Variants in CTNNA1 observed in about 807,000 individuals in gnomAD.
CTNNA1 encodes catenin alpha 1.
Under a neutral mutation model 98.4 loss-of-function variants are expected in CTNNA1, and 37 were observed. The observed-to-expected ratio is 0.38, with a 90% CI of 0.29 to 0.49. The LOEUF is 0.49. CTNNA1 is among the 20% of genes least tolerant of loss of function. CTNNA1 has a pLI of 0.95. For missense variants in CTNNA1, 761 were observed against 1,147.2 expected, an observed-to-expected ratio of 0.66 and a Z score of 4.86; for synonymous variants, 404 against 413.2, an observed-to-expected ratio of 0.98 and a Z score of 0.27.
At chr5:138,813,156 T>C (rs904875162) in intron 5 of CTNNA1, among the ~76,000 whole-genome samples, 1 of 152,198 alleles carries the variant, frequency 6.6e-6, no homozygotes, top group Non-Finnish European at 1.5e-5. Flanking sequence ...TTGTTAAATA[T>C]AAGGGCTTTG....
intron 3 of CTNNA1, among the ~76,000 whole-genome samples, chr5:138,789,143 G>C (rs1250515584): frequency 6.6e-6 from 1 of 151,854 alleles, no homozygotes; most frequent in African/African-American, 2.4e-5. Context: ...GGTCCCTGAG[G>C]GGGAGATGGT....
At position 138,874,633 on chromosome 5, in the gene CTNNA1, A is replaced by G; in HGVS notation, c.1063-11579A>G. The G allele has an allele frequency of 2.2e-6, 2 of 891,506 alleles. No homozygotes were observed. Among genetic ancestry groups the G allele is most frequent in the Non-Finnish European group, 3.3e-6 (2 of 598,510 alleles). The allele number at this position is 891,506 out of a possible 1,614,324, so 55.2% of individuals were successfully genotyped here. A position where few individuals can be genotyped will look rare whatever the true frequency, so the allele number is the denominator to read the frequency against. On this transcript the variant is annotated intron_variant, in intron 7 of 17. Transcript: ENST00000302763. This position sits in a 1 kb window ranked among gnomAD's most constrained non-coding sequence, Gnocchi z 4.1. ...ACATATGGGCTATTTAAAAAAAACAACCACCACCAACATTATAGCAAAAGA... is the reference window on the plus strand; with the variant it reads ...ACATATGGGCTATTTAAAAAAAACAGCCACCACCAACATTATAGCAAAAGA...
Position 138,781,977 on chromosome 5 carries a change from T to G in CTNNA1, c.53T>G (p.Leu18Arg), listed in dbSNP as rs769832131. The G allele has an allele frequency of 6.2e-7, 1 of 1,603,482 alleles. No homozygotes were observed. The highest frequency in any genetic ancestry group is 1.1e-5 in the South Asian group (1 of 88,274). ...NINFKWDPKS[L>R]EIRTLAVERL... ...AACTTCAAGTGGGATCCTAAAAGTC[T>G]AGAGATCAGGACTCTGGCAGTTGAG... The change falls in exon 2 of 18, where the codon CTA (leucine) becomes CGA (arginine). Residue 18 changes from leucine (L) to arginine (R), a missense_variant. Leu to Arg is a moderately radical substitution (Grantham distance 102). This residue lies in a region of CTNNA1 where 328 missense variants were observed against 354.3 expected (regional missense o/e 0.93). Transcript: ENST00000302763.
chr5:138,902,059 A>G (rs1179427844), intron 9 of CTNNA1, among the ~76,000 whole-genome samples: 1 of 152,204 alleles, frequency 6.6e-6, no homozygotes, highest in African/African-American at 2.4e-5. Flanking sequence ...CTGCTTCAAC[A>G]GTACACCAGA....
At chr5:138,812,117 G>A in intron 4 of CTNNA1, 66 bp from the exon 5 acceptor site, 1 of 1,448,132 alleles carries the variant, frequency 6.9e-7, no homozygotes, top group South Asian at 1.3e-5. Flanking sequence ...AAATTCCTAG[G>A]ATGCCATCTT....
chr5:138,859,029 C>T (rs1248093702), intron 7 of CTNNA1, among the ~76,000 whole-genome samples: 3 of 152,196 alleles, frequency 2.0e-5, no homozygotes, highest in Admixed American at 2.0e-4. Flanking sequence ...GGGCCATCTC[C>T]AGCTTATTTG....
Position 138,873,949 on chromosome 5 carries a change from T to C in CTNNA1, c.1063-12263T>C, listed in dbSNP as rs1245795172. 1.2e-6 allele frequency: 2 copies of C among 1,614,026 alleles called. No homozygotes were observed. The highest frequency in any genetic ancestry group is 2.7e-5 in the African/African-American group (2 of 75,052). On this transcript the variant is annotated intron_variant, in intron 7 of 17. Transcript: ENST00000302763. This position sits in a 1 kb window ranked among gnomAD's most constrained non-coding sequence, Gnocchi z 6.1. ...CTAGGTGAAGCTCTCTCAGTTTAAT[T>C]AATCCTGCAAATCCATTGCGAGCCA...
intron 7 of CTNNA1, among the ~76,000 whole-genome samples, chr5:138,834,859 C>G (rs965100676): frequency 6.6e-6 from 1 of 152,000 alleles, no homozygotes; most frequent in African/African-American, 2.4e-5. Flanking sequence ...TGGGTGCGGG[C>G]GGGCTGAGTC....
At chr5:138,754,929 T>G (rs1486755597) in intron 1 of CTNNA1, 1 of 152,044 alleles carries the variant, frequency 6.6e-6, no homozygotes, top group Non-Finnish European at 1.5e-5. Flanking sequence ...GTCTAATTTT[T>G]GTATTTTTGG....
intron 1 of CTNNA1, among the ~76,000 whole-genome samples, chr5:138,779,944 T>C (rs1330725702): frequency 6.6e-6 from 1 of 152,060 alleles, no homozygotes; most frequent in Non-Finnish European, 1.5e-5. Context: ...GTTTTGTTTT[T>C]TAATTTGCCA....
intron 10 of CTNNA1, among the ~76,000 whole-genome samples, chr5:138,906,286 C>T (rs1345070999): frequency 6.6e-6 from 1 of 152,128 alleles, no homozygotes; most frequent in African/African-American, 2.4e-5. Context: ...TTGACAGCTG[C>T]ATAGATATTT....
At chr5:138,857,188 A>G (rs998060890) in intron 7 of CTNNA1, among the ~76,000 whole-genome samples, 4 of 152,202 alleles carry the variant, frequency 2.6e-5, no homozygotes, top group African/African-American at 7.2e-5. Flanking sequence ...AAAACAAGAA[A>G]AATTGCCAGA....
chr5:138,910,377 T>C (rs963641833), intron 10 of CTNNA1, among the ~76,000 whole-genome samples: 6 of 151,934 alleles, frequency 3.9e-5, no homozygotes, highest in Non-Finnish European at 8.8e-5. Context: ...TTTTTAATGA[T>C]GACTGCAGTT....
At chr5:138,828,992 C>T (rs1447714115) in intron 7 of CTNNA1, among the ~76,000 whole-genome samples, 4 of 152,098 alleles carry the variant, frequency 2.6e-5, no homozygotes, top group Non-Finnish European at 4.4e-5. Flanking sequence ...GGCATGGTGG[C>T]GCACGCCTGG....
At chr5:138,892,552 A>G (rs1478828334) in intron 9 of CTNNA1, among the ~76,000 whole-genome samples, 1 of 151,160 alleles carries the variant, frequency 6.6e-6, no homozygotes, top group Non-Finnish European at 1.5e-5. Flanking sequence ...TGGCCAGGCT[A>G]GTCTCGAACT....
intron 3 of CTNNA1, among the ~76,000 whole-genome samples, chr5:138,799,418 C>T (rs1023266997): frequency 1.3e-5 from 2 of 152,122 alleles, no homozygotes; most frequent in Non-Finnish European, 2.9e-5. Flanking sequence ...CCTCGGCCTT[C>T]CAAAGTGCTG....
At position 138,759,902 on chromosome 5, in the gene CTNNA1, G is replaced by A. The variant is rs965743090; in HGVS notation, c.-3+6392G>A. Among the ~76,000 whole-genome samples the A allele has an allele frequency of 2.7e-5, 4 of 145,684 alleles. No homozygotes were observed. The South Asian group carries it at 9.0e-4, about 33-fold the overall frequency. On this transcript the variant is annotated intron_variant, in intron 1 of 17. Transcript: ENST00000302763. Reference sequence around the variant, plus strand: ...TCTGACTAATTATGCCAGTGTAATTGTCTAGGTGGGGAGACTGATCTTGGT... The same window carrying A: ...TCTGACTAATTATGCCAGTGTAATTATCTAGGTGGGGAGACTGATCTTGGT...
intron 7 of CTNNA1, among the ~76,000 whole-genome samples, chr5:138,883,304 C>T (rs1265881936): frequency 6.6e-6 from 1 of 152,118 alleles, no homozygotes; most frequent in Non-Finnish European, 1.5e-5. Flanking sequence ...CTGTATTTTT[C>T]TAAAATGATA....
At chr5:138,897,084 G>GC (rs28363455) in intron 9 of CTNNA1, among the ~76,000 whole-genome samples, 67,272 of 151,820 alleles carry the variant, frequency 0.44, 15,748 homozygotes, top group African/African-American at 0.59. Flanking sequence ...GATATATACA[G>GC]TGATTGTGTT....
Sources: gnomAD v4.1 joint callset for allele counts (sites outside exome capture counted in the v4.1 genomes callset) on GRCh38, gnomAD v4.1.1 for gene constraint, gnomAD v4.1.1 regional missense constraint, Gnocchi (gnomAD v3.1) non-coding constraint, MANE v1.5 for transcripts, NCBI Gene and HGNC (gene_info 2026-07-23, HGNC 2026-07-21) for gene names.